ALK: variants seen among roughly 807,000 people sequenced by gnomAD.
ALK encodes the protein ALK receptor tyrosine kinase.
ALK carries 74 observed loss-of-function variants against 163.1 expected under a neutral mutation model. The observed-to-expected ratio is 0.45, with a 90% CI of 0.38 to 0.55. The LOEUF (loss-of-function observed/expected upper bound fraction) is 0.55. ALK is among the 20% of genes least tolerant of loss of function. The pLI, the probability that ALK is intolerant of heterozygous loss-of-function variation, is 0.00. For missense variants in ALK, 2,063 were observed against 2,105.3 expected, an observed-to-expected ratio of 0.98 and a Z score of 0.39; for synonymous variants, 960 against 843.2, an observed-to-expected ratio of 1.14 and a Z score of -2.40.
intron 1 of ALK, among the ~76,000 whole-genome samples, chr2:29,842,780 A>G (rs79278567): frequency 0.059 from 8,955 of 152,228 alleles, 667 homozygotes; most frequent in African/African-American, 0.17. Flanking sequence ...AGTAGTGTGT[A>G]CTGAGCTCCT....
At chr2:29,695,158 G>A (rs1351399185) in intron 2 of ALK, 144 bp from the exon 3 acceptor site, 4 of 855,008 alleles carry the variant, frequency 4.7e-6, no homozygotes, top group Non-Finnish European at 7.6e-6. Context: ...AATACCACAG[G>A]GCTCTGTATT....
At chr2:29,726,821 C>T (rs1156663819) in intron 1 of ALK, among the ~76,000 whole-genome samples, 2 of 152,182 alleles carry the variant, frequency 1.3e-5, no homozygotes, top group African/African-American at 2.4e-5. Flanking sequence ...TGGTAGTTAA[C>T]CTCTTTTACA....
chr2:29,779,080 T>C (rs1681260767), intron 1 of ALK, among the ~76,000 whole-genome samples: 1 of 151,494 alleles, frequency 6.6e-6, no homozygotes, highest in African/African-American at 2.4e-5. Context: ...GGCAGGAACC[T>C]GGGAGGCGGA....
intron 3 of ALK, among the ~76,000 whole-genome samples, chr2:29,665,866 T>C (rs951816232): frequency 6.6e-6 from 1 of 152,112 alleles, no homozygotes; most frequent in Non-Finnish European, 1.5e-5. Context: ...AGATATACCA[T>C]GAATTTCACT....
intron 1 of ALK, among the ~76,000 whole-genome samples, chr2:29,909,419 G>A (rs1667638435): frequency 6.6e-6 from 1 of 151,714 alleles, no homozygotes; most frequent in African/African-American, 2.4e-5. Flanking sequence ...CGAATTTCCA[G>A]GGAGCAAACC....
intron 7 of ALK, among the ~76,000 whole-genome samples, chr2:29,319,970 A>G (rs1340209254): frequency 6.6e-6 from 1 of 152,254 alleles, no homozygotes; most frequent in Non-Finnish European, 1.5e-5. Flanking sequence ...TATGCTGCAG[A>G]GAGGTGGGCA....
At chr2:29,910,957 T>C (rs1218375382) in intron 1 of ALK, among the ~76,000 whole-genome samples, 1 of 151,862 alleles carries the variant, frequency 6.6e-6, no homozygotes, top group Non-Finnish European at 1.5e-5. Flanking sequence ...ACAACCGAAA[T>C]ACTCTGGACG....
intron 3 of ALK, among the ~76,000 whole-genome samples, chr2:29,552,234 G>A (rs935976207): frequency 1.3e-5 from 2 of 151,970 alleles, no homozygotes; most frequent in Non-Finnish European, 2.9e-5. Flanking sequence ...ACCACATTTC[G>A]TTTATCCATT....
At chr2:29,751,604 A>G (rs1263141857) in intron 1 of ALK, among the ~76,000 whole-genome samples, 1 of 152,132 alleles carries the variant, frequency 6.6e-6, no homozygotes, top group Non-Finnish European at 1.5e-5. Context: ...GAGTTAATGA[A>G]TAACACCAGG....
chr2:29,818,903 T>A (rs1664969607), intron 1 of ALK, among the ~76,000 whole-genome samples: 1 of 152,248 alleles, frequency 6.6e-6, no homozygotes, highest in South Asian at 2.1e-4. Flanking sequence ...ACCAAGTGAA[T>A]CAGAACTTCT....
At chr2:29,452,472 TA>T (rs2148093607) in intron 4 of ALK, among the ~76,000 whole-genome samples, 1 of 152,274 alleles carries the variant, frequency 6.6e-6, no homozygotes, top group Admixed American at 6.5e-5. Flanking sequence ...ACGCTTTCAT[TA>T]AAGTCATCTC....
intron 4 of ALK, among the ~76,000 whole-genome samples, chr2:29,415,389 C>G (rs1054518481): frequency 3.9e-5 from 6 of 152,014 alleles, no homozygotes; most frequent in African/African-American, 1.4e-4. Flanking sequence ...ACTGTACCCC[C>G]AAAGCACATT....
In ALK at chr2:29,239,704, C is replaced by A. The variant is rs2148188686; in HGVS notation, c.2331G>T (p.Gln777His). The A allele has an allele frequency of 1.2e-6, 2 of 1,614,008 alleles. No individual in the cohort carries two copies. The highest frequency in any genetic ancestry group is 1.3e-5 in the African/African-American group (1 of 75,048). ...CACTGGGGCAGGCGTCCTCTCCCTG[C>A]TGCCCAACCAGGATGTACAGCATGT... ...KDDMLYILVG[Q>H]QGEDACPSTN... Residue 777 changes from glutamine (Q) to histidine (H), a missense_variant, in exon 13 of 29, where the codon CAG (glutamine) becomes CAT (histidine). By Grantham distance (24) the Gln-to-His change is conservative. This residue lies in a region of ALK where 575 missense variants were observed against 626.6 expected (regional missense o/e 0.92). Transcript: ENST00000389048.
At chr2:29,836,521 C>T (rs1364526824) in intron 1 of ALK, among the ~76,000 whole-genome samples, 1 of 152,152 alleles carries the variant, frequency 6.6e-6, no homozygotes, top group Non-Finnish European at 1.5e-5. Context: ...CTCACAACTC[C>T]CTAGCCAGAG....
At chr2:29,796,584 T>G (rs1000405396) in intron 1 of ALK, among the ~76,000 whole-genome samples, 10 of 152,224 alleles carry the variant, frequency 6.6e-5, no homozygotes, top group African/African-American at 2.4e-4. Context: ...TAGAATATTT[T>G]CTTTCAGGTC....
chr2:29,919,847 G>GGGAAGGAGGTTTGCGGGA (rs1220043955), intron 1 of ALK, 146 bp downstream of exon 1: 6 of 1,016,974 alleles, frequency 5.9e-6, no homozygotes, highest in Admixed American at 2.6e-5. Context: ...GGTCTGATTC[G>GGGAAGGAGGTTTGCGGGA]GGAAGGAGGT....
At chr2:29,737,848 C>T (rs534050321) in intron 1 of ALK, among the ~76,000 whole-genome samples, 1 of 152,134 alleles carries the variant, frequency 6.6e-6, no homozygotes, top group East Asian at 1.9e-4. Flanking sequence ...CATGTGCCTG[C>T]ATGGAGGGTG....
chr2:29,826,137 G>A lies in ALK; in HGVS notation c.667+93856C>T, dbSNP rs543406153. On this transcript the variant is annotated intron_variant, in intron 1 of 28. Coordinates refer to ENST00000389048, the MANE Select transcript of ALK (RefSeq NM_004304.5). ...CCCCTCCCCACCCCCTAGCATCTCT[G>A]CCATGGCCTGCTATTCTGTAGGAAG... is the stretch of plus-strand genomic sequence containing the variant. Among the ~76,000 whole-genome samples the A allele has an allele frequency of 3.3e-5, 5 of 152,178 alleles. No individual in the cohort carries two copies. In the South Asian group the frequency reaches 1.0e-3, roughly 32 times the overall value.
At chr2:29,861,107 G>C (rs1239974683) in intron 1 of ALK, among the ~76,000 whole-genome samples, 2 of 152,200 alleles carry the variant, frequency 1.3e-5, no homozygotes, top group Non-Finnish European at 2.9e-5. Context: ...ACGAGGTCAA[G>C]GCTGCAGTGA....
Sources: gnomAD v4.1 joint callset for allele counts (sites outside exome capture counted in the v4.1 genomes callset) on GRCh38, gnomAD v4.1.1 for gene constraint, gnomAD v4.1.1 regional missense constraint, MANE v1.5 for transcripts, NCBI Gene and HGNC (gene_info 2026-07-23, HGNC 2026-07-21) for gene names.